C8orf74: variants seen among roughly 807,000 people sequenced by gnomAD.
C8orf74 encodes the protein uncharacterized protein C8orf74.
A neutral mutation model predicts 22.2 loss-of-function variants in C8orf74; 29 were observed. The observed-to-expected ratio is 1.31, with a 90% confidence interval of 0.97 to 1.78. The LOEUF is 1.78. C8orf74 is among the 40% of genes most tolerant of loss of function. The pLI, the probability that C8orf74 is intolerant of heterozygous loss-of-function variation, is 0.00. For missense variants in C8orf74, 515 were observed against 369.9 expected (o/e 1.39, Z -3.22); for synonymous variants, 255 against 163.1 (o/e 1.56, Z -4.30).
Position 10,674,670 on chromosome 8 carries a change from C to T in C8orf74, c.73C>T (p.Arg25Trp), listed in dbSNP as rs572694662. The T allele has an allele frequency of 1.2e-5, 20 of 1,609,600 alleles. No homozygotes were observed. Among genetic ancestry groups the T allele is most frequent in the African/African-American group, 2.7e-5 (2 of 74,754 alleles). Reference sequence around the variant, plus strand: ...GAGACCACAAGGTCGGGAGCGCCTGCGGAGGCTTCTGAACTGGGAGGAGTT... The same window carrying T: ...GAGACCACAAGGTCGGGAGCGCCTGTGGAGGCTTCTGAACTGGGAGGAGTT... ...LQRPQGRERL[R>W]RLLNWEEFDE... Residue 25 changes from arginine (R) to tryptophan (W), a missense_variant, in exon 2 of 4, where the codon CGG (arginine) becomes TGG (tryptophan). Coordinates refer to ENST00000304519, the MANE Select transcript of C8orf74 (RefSeq NM_001040032.2).
At chr8:10,690,860 A>C (rs60900921) in intron 2 of C8orf74, 17,411 of 454,960 alleles carry the variant, frequency 0.038, 1,155 homozygotes, top group African/African-American at 0.19. Flanking sequence ...CGTGCTGCAT[A>C]TCCTCGCAGG....
intron 2 of C8orf74, chr8:10,675,792 GC>G: frequency 6.6e-6 from 1 of 152,210 alleles, no homozygotes; most frequent in East Asian, 1.9e-4. Flanking sequence ...GCTCAAAGTA[GC>G]CCTCCTGCCA....
At chr8:10,688,742 A>G (rs1192472164) in intron 2 of C8orf74, 1 of 152,398 alleles carries the variant, frequency 6.6e-6, no homozygotes, top group African/African-American at 2.4e-5. Context: ...CTCTTCCCCC[A>G]TGGGAGTGTC....
rs140524266 is a variant in C8orf74, at chr8:10,687,026, T to A, written c.242-10573T>A. The A allele has an allele frequency of 1.6e-5, 7 of 449,480 alleles. No homozygotes were observed. The East Asian group carries it at 4.2e-4, about 27-fold the overall frequency. 27.8% of individuals were successfully genotyped at this position (449,480 alleles called of 1,614,324 possible). On this transcript the variant is annotated intron_variant, in intron 2 of 3. Transcript: ENST00000304519. ...CCAAGAAGGGATTAGATTGAAGAAATCCAGTCTCCAGGGTTATAGTCCTAG... is the reference window on the plus strand; with the variant it reads ...CCAAGAAGGGATTAGATTGAAGAAAACCAGTCTCCAGGGTTATAGTCCTAG...
intron 2 of C8orf74, 43 bp downstream of exon 2, chr8:10,674,881 T>TG (rs1799000482): frequency 6.6e-7 from 1 of 1,514,830 alleles, no homozygotes; most frequent in African/African-American, 1.4e-5. Flanking sequence ...GCTGGCGGGA[T>TG]GGGGTGGGTA....
intron 3 of C8orf74, among the ~76,000 whole-genome samples, chr8:10,699,018 A>AGGGG (rs1474116022): frequency 6.6e-6 from 1 of 152,174 alleles, no homozygotes; most frequent in African/African-American, 2.4e-5. Flanking sequence ...CCAGACAAAT[A>AGGGG]GCACATCAGG....
At chr8:10,674,605 C>T (rs1798988946) in intron 1 of C8orf74, 41 bp from the exon 2 acceptor site, 3 of 1,536,420 alleles carry the variant, frequency 2.0e-6, no homozygotes, top group Non-Finnish European at 2.6e-6. Context: ...GCCCTGCAAC[C>T]CCCACATCAT....
chr8:10,678,752 G>A (rs570877851), intron 2 of C8orf74, among the ~76,000 whole-genome samples: 1 of 152,302 alleles, frequency 6.6e-6, no homozygotes, highest in South Asian at 2.1e-4. Context: ...TGGGGAGAGA[G>A]TAGGCAGCGG....
At chr8:10,698,787 G>C (rs1799586959) in intron 3 of C8orf74, among the ~76,000 whole-genome samples, 1 of 152,064 alleles carries the variant, frequency 6.6e-6, no homozygotes, top group Admixed American at 6.6e-5. Flanking sequence ...CTGTGTTTCA[G>C]GCATTGGAGT....
At chr8:10,698,898 A>AC (rs1164532363) in intron 3 of C8orf74, among the ~76,000 whole-genome samples, 20 of 120,778 alleles carry the variant, frequency 1.7e-4, no homozygotes, top group South Asian at 5.5e-4. Flanking sequence ...GGTTACACAC[A>AC]CACCACACAC....
chr8:10,683,614 C>G (rs772543275), intron 2 of C8orf74, among the ~76,000 whole-genome samples: 21 of 152,206 alleles, frequency 1.4e-4, no homozygotes, highest in Non-Finnish European at 2.2e-4. Context: ...CTCGAGTCAG[C>G]TGCAGGGCTT....
At chr8:10,690,008 C>T (rs1371412592) in intron 2 of C8orf74, among the ~76,000 whole-genome samples, 1 of 152,158 alleles carries the variant, frequency 6.6e-6, no homozygotes, top group African/African-American at 2.4e-5. Context: ...CAGTTCCAAC[C>T]CACGTTGTCC....
intron 2 of C8orf74, among the ~76,000 whole-genome samples, chr8:10,676,441 T>C (rs1247689039): frequency 6.6e-6 from 1 of 152,208 alleles, no homozygotes; most frequent in African/African-American, 2.4e-5. Context: ...TGCTTTCAAA[T>C]CTTGCATTCT....
chr8:10,678,804 C>T (rs1160982391), intron 2 of C8orf74, among the ~76,000 whole-genome samples: 1 of 152,158 alleles, frequency 6.6e-6, no homozygotes, highest in Non-Finnish European at 1.5e-5. Context: ...CCCACGACAG[C>T]CAGGCCTCCT....
chr8:10,680,908 C>T (rs866107160), intron 2 of C8orf74, among the ~76,000 whole-genome samples: 4 of 152,276 alleles, frequency 2.6e-5, no homozygotes, highest in Middle Eastern at 3.4e-3. Flanking sequence ...TGCAGGCAGC[C>T]CAGGCAGGAG....
intron 3 of C8orf74, 29 bp downstream of exon 3, chr8:10,698,034 G>C (rs757120000): frequency 6.9e-6 from 10 of 1,444,662 alleles, no homozygotes; most frequent in Non-Finnish European, 9.1e-6. Context: ...GCCGTGGGTG[G>C]GCACCTGGGC....
chr8:10,696,927 C>T (rs73532619), intron 2 of C8orf74, among the ~76,000 whole-genome samples: 4 of 144,346 alleles, frequency 2.8e-5, no homozygotes, highest in Admixed American at 1.4e-4. Context: ...TGGGAGGCCA[C>T]GGTGGGAGGA....
At position 10,674,834 on chromosome 8, in the gene C8orf74, C is replaced by A. The variant is rs746812163; in HGVS notation, c.237C>A (p.Thr79=). The change falls in exon 2 of 4, where the codon ACC becomes ACA. Residue 79 remains threonine (T), a synonymous_variant. Coordinates refer to ENST00000304519, the MANE Select transcript of C8orf74 (RefSeq NM_001040032.2). The part of the protein sequence containing the change: ...VKFTEELLRE[T]KGCSITEAVT... The stretch of plus-strand genomic sequence containing the variant: ...TCACAGAAGAGCTGCTAAGGGAAAC[C>A]AAAGGTATGGTGTGTCCAGGGCAGG... The A allele has an allele frequency of 4.4e-6, 7 of 1,598,492 alleles. No homozygotes were observed. The highest frequency in any genetic ancestry group is 1.1e-5 in the South Asian group (1 of 88,082).
At chr8:10,687,864 G>C (rs1226629926) in intron 2 of C8orf74, among the ~76,000 whole-genome samples, 3 of 152,068 alleles carry the variant, frequency 2.0e-5, no homozygotes, top group Non-Finnish European at 2.9e-5. Context: ...TTCTCAGAAA[G>C]TGTGCCCATT....
Sources: gnomAD v4.1 joint callset for allele counts (sites outside exome capture counted in the v4.1 genomes callset) on GRCh38, gnomAD v4.1.1 for gene constraint, MANE v1.5 for transcripts, NCBI Gene and HGNC (gene_info 2026-07-23, HGNC 2026-07-21) for gene names.